Variants in SP3 observed in about 807,000 individuals in gnomAD.
SP3 encodes Sp3 transcription factor.
In SP3, 10 loss-of-function variants were observed where a neutral mutation model predicts 70.3. That is an observed-to-expected ratio of 0.14 (90% CI 0.09 to 0.24). The LOEUF (loss-of-function observed/expected upper bound fraction) is 0.24. Ranked by LOEUF, SP3 falls within the 10% of genes least tolerant of loss-of-function variation. SP3 has a pLI of 1.00. For synonymous variants in SP3, 402 were observed against 333.5 expected (o/e 1.21, Z -2.24); for missense variants, 825 against 914.6 (o/e 0.90, Z 1.26).
chr2:173,922,151 C>G (rs1689773283), intron 4 of SP3, among the ~76,000 whole-genome samples: 1 of 152,026 alleles, frequency 6.6e-6, no homozygotes. Flanking sequence ...TGGCCTGAAG[C>G]TAAGGTATTG....
At chr2:173,919,283 G>A (rs1429959725) in intron 4 of SP3, among the ~76,000 whole-genome samples, 2 of 152,128 alleles carry the variant, frequency 1.3e-5, no homozygotes, top group African/African-American at 2.4e-5. Flanking sequence ...TATACCCAAT[G>A]TCTAATCACT....
At chr2:173,918,886 G>T in intron 4 of SP3, 101 bp from the exon 5 acceptor site, 1 of 982,342 alleles carries the variant, frequency 1.0e-6, no homozygotes, top group Non-Finnish European at 1.5e-6. Context: ...AACTTTGCAT[G>T]CACTACTTCT....
rs903653941 is a variant in SP3 at position 173,905,719 on chromosome 2, C to T, written c.*4222G>A. On this transcript the variant is annotated 3_prime_UTR_variant, in exon 7 of 7. Coordinates refer to ENST00000310015, the MANE Select transcript of SP3 (RefSeq NM_003111.5). ...TATACCCTTTAGACTCCAGATTTGG[C>T]CAAGCGTGGTGGCTCACGCCTATAA... Among the ~76,000 whole-genome samples, 3 of 151,880 alleles carry T rather than the reference C, an allele frequency of 2.0e-5. No individual in the cohort carries two copies. Among genetic ancestry groups the T allele is most frequent in the African/African-American group, 7.3e-5 (3 of 41,338 alleles).
At chr2:173,933,002 T>TA (rs900501101) in intron 4 of SP3, among the ~76,000 whole-genome samples, 3 of 151,752 alleles carry the variant, frequency 2.0e-5, no homozygotes, top group Middle Eastern at 3.4e-3. Context: ...AAAACAAAAA[T>TA]AAAAAATAAT....
chr2:173,963,983 G>T, intron 2 of SP3, 100 bp from the exon 3 acceptor site: 2 of 767,108 alleles, frequency 2.6e-6, no homozygotes, highest in South Asian at 4.8e-5. Flanking sequence ...GGTCCCCGCC[G>T]ACTGCGCCCG....
chr2:173,944,981 T>C (rs1379537113), intron 4 of SP3, among the ~76,000 whole-genome samples: 2 of 152,172 alleles, frequency 1.3e-5, no homozygotes, highest in African/African-American at 2.4e-5. Flanking sequence ...CAGCCATTTG[T>C]TCAAGATGCA....
At chr2:173,961,484 A>G (rs948579487) in intron 3 of SP3, among the ~76,000 whole-genome samples, 3 of 152,220 alleles carry the variant, frequency 2.0e-5, no homozygotes, top group African/African-American at 4.8e-5. Context: ...GAGAAAATGG[A>G]CATTAGTGGA....
upstream of SP3, chr2:173,965,391 CG>C (rs1691262960): frequency 1.7e-6 from 1 of 575,294 alleles, no homozygotes; most frequent in Admixed American, 3.3e-5. Context: ...CCGGAACTCC[CG>C]CCCCTCTTCT....
intron 4 of SP3, among the ~76,000 whole-genome samples, chr2:173,950,720 T>C (rs1690686923): frequency 6.6e-6 from 1 of 151,742 alleles, no homozygotes; most frequent in Non-Finnish European, 1.5e-5. Context: ...AGCATTTTCA[T>C]CTGGGCATAC....
At chr2:173,957,843 C>T (rs1482376872) in intron 3 of SP3, among the ~76,000 whole-genome samples, 1 of 152,128 alleles carries the variant, frequency 6.6e-6, no homozygotes, top group East Asian at 1.9e-4. Flanking sequence ...AAATAGCGAT[C>T]TGTCTTAAAT....
In SP3 at chr2:173,905,071, T is replaced by C. The variant is rs1474107558; in HGVS notation, c.*4870A>G. On this transcript the variant is annotated 3_prime_UTR_variant, in exon 7 of 7. Coordinates refer to ENST00000310015, the MANE Select transcript of SP3 (RefSeq NM_003111.5). The stretch of plus-strand genomic sequence containing the variant: ...GCTTCAGTCTTTTCTTCTTATTCCA[T>C]CCTTTTCTGATAGGGCAGTCACTTC... Among the ~76,000 whole-genome samples, 1 of 152,206 alleles carries C rather than the reference T, an allele frequency of 6.6e-6. No individual in the cohort carries two copies. Among genetic ancestry groups the C allele is most frequent in the East Asian group, 1.9e-4 (1 of 5,204 alleles).
intron 1 of SP3, chr2:173,964,772 TCCC>T (rs1008534952): frequency 7.1e-6 from 3 of 421,760 alleles, no homozygotes; most frequent in African/African-American, 4.5e-5. Flanking sequence ...TCCTCCTCTT[TCCC>T]TCCTCCTCCT....
chr2:173,912,375 T>C (rs1689509734), intron 6 of SP3, among the ~76,000 whole-genome samples: 1 of 152,258 alleles, frequency 6.6e-6, no homozygotes, highest in African/African-American at 2.4e-5. Context: ...TTCTCCATTT[T>C]ACCATGCTTC....
At position 173,904,372 on chromosome 2, in the gene SP3, T is replaced by C. The variant is rs1007421172; in HGVS notation, c.*5569A>G. Among the ~76,000 whole-genome samples, 4 of 152,178 alleles carry C rather than the reference T, an allele frequency of 2.6e-5. No individual in the cohort carries two copies. The highest frequency in any genetic ancestry group is 9.6e-5 in the African/African-American group (4 of 41,454). ...ATATACTGTACCTCAGTTGTCTTAG[T>C]TGGCATTATTTGGTAGCAAGTAACA... On this transcript the variant is annotated 3_prime_UTR_variant, in exon 7 of 7. Transcript: ENST00000310015.
rs750177307 is a variant in SP3 at position 173,964,489 on chromosome 2, ACCGCCG to A, written c.66_71del (p.Gly28_Gly29del). 22 of 465,990 alleles carry A rather than the reference ACCGCCG, an allele frequency of 4.7e-5. No individual in the cohort carries two copies. The highest frequency in any genetic ancestry group is 2.0e-4 in the Admixed American group (8 of 40,864). The allele number at this position is 465,990 out of a possible 1,614,324, so 28.9% of individuals were successfully genotyped here. A position where few individuals can be genotyped will look rare whatever the true frequency, so the allele number is the denominator to read the frequency against. On this transcript the variant is annotated inframe_deletion, in exon 2 of 7. Transcript: ENST00000310015. ...ACTCGCCGTGGCCGCCGCCGCCGCCACCGCCGCCGCCGCTATCCACGTCCAAGGCAG... is the reference window on the plus strand; with the variant it reads ...ACTCGCCGTGGCCGCCGCCGCCGCCACCGCCGCTATCCACGTCCAAGGCAG...
intron 5 of SP3, among the ~76,000 whole-genome samples, chr2:173,917,481 TC>T (rs1310339591): frequency 6.6e-6 from 1 of 152,112 alleles, no homozygotes; most frequent in Non-Finnish European, 1.5e-5. Context: ...ATGTCTCACT[TC>T]TAACACCACT....
chr2:173,930,121 T>C (rs1205450772), intron 4 of SP3, among the ~76,000 whole-genome samples: 1 of 152,192 alleles, frequency 6.6e-6, no homozygotes, highest in African/African-American at 2.4e-5. Flanking sequence ...GAAAAGCAAT[T>C]CCCTCTCAAG....
intron 4 of SP3, among the ~76,000 whole-genome samples, chr2:173,926,497 A>T (rs537160490): frequency 6.6e-5 from 10 of 152,218 alleles, no homozygotes; most frequent in African/African-American, 2.4e-4. Flanking sequence ...AGTGCCAAGC[A>T]TCCTGTAGAA....
chr2:173,954,731 C>G, intron 4 of SP3, 142 bp downstream of exon 4: 1 of 783,578 alleles, frequency 1.3e-6, no homozygotes, highest in Non-Finnish European at 2.0e-6. Flanking sequence ...TTGATGTCTA[C>G]TTTCATACAA....
Sources: allele counts gnomAD v4.1 joint callset (sites outside exome capture counted in the v4.1 genomes callset), GRCh38; gene constraint gnomAD v4.1.1; transcripts MANE v1.5; gene names NCBI Gene and HGNC (gene_info 2026-07-23, HGNC 2026-07-21).